Variants in PKHD1 observed in about 807,000 individuals in gnomAD.
PKHD1 encodes fibrocystin.
Under a neutral mutation model 412.0 loss-of-function variants are expected in PKHD1, and 291 were observed. That is an observed-to-expected ratio of 0.71 (90% CI 0.64 to 0.78). The LOEUF (loss-of-function observed/expected upper bound fraction) is 0.78, where lower values mean the gene tolerates loss of function less well. Among genes scored for constraint, PKHD1 ranks in the 30% least tolerant of loss-of-function variants. The pLI, the probability that PKHD1 is intolerant of heterozygous loss-of-function variation, is 0.00. For synonymous variants in PKHD1, 1,777 were observed against 1,821.5 expected, an observed-to-expected ratio of 0.98 and a Z score of 0.62; for missense variants, 4,825 against 4,950.7, an observed-to-expected ratio of 0.97 and a Z score of 0.76.
At chr6:51,865,003 T>G (rs1774821223) in intron 48 of PKHD1, among the ~76,000 whole-genome samples, 1 of 152,140 alleles carries the variant, frequency 6.6e-6, no homozygotes, top group Admixed American at 6.6e-5. Flanking sequence ...TTTATAATTA[T>G]GGGACCCTGG....
chr6:51,819,653 T>G (rs1460292225), intron 52 of PKHD1, among the ~76,000 whole-genome samples: 12 of 152,212 alleles, frequency 7.9e-5, no homozygotes, highest in Admixed American at 7.9e-4. Context: ...TTGCTCATCA[T>G]TTTATCTCCA....
intron 37 of PKHD1, among the ~76,000 whole-genome samples, chr6:51,915,558 C>T (rs753696376): frequency 2.0e-5 from 3 of 152,038 alleles, no homozygotes; most frequent in Non-Finnish European, 2.9e-5. Context: ...GAAACAAGCA[C>T]CCCAATGTCT....
chr6:51,649,795 T>C (rs1260721779), intron 61 of PKHD1, among the ~76,000 whole-genome samples: 1 of 152,194 alleles, frequency 6.6e-6, no homozygotes, highest in Non-Finnish European at 1.5e-5. Context: ...ACAAGCCATA[T>C]TTATATTTTC....
chr6:51,653,025 A>T (rs2580005), intron 61 of PKHD1, among the ~76,000 whole-genome samples: 140,544 of 152,138 alleles, frequency 0.92, 65,080 homozygotes, highest in East Asian at 1. Flanking sequence ...TTCTAAATTA[A>T]ATATATTATG....
chr6:52,026,649 T>C (rs1802240953), intron 31 of PKHD1, among the ~76,000 whole-genome samples: 1 of 152,234 alleles, frequency 6.6e-6, no homozygotes, highest in Non-Finnish European at 1.5e-5. Context: ...TATTGTTCTA[T>C]ATAATATTCC....
intron 35 of PKHD1, among the ~76,000 whole-genome samples, chr6:51,996,736 G>A (rs1797760194): frequency 6.6e-6 from 1 of 152,186 alleles, no homozygotes. Flanking sequence ...TCATGCAACA[G>A]CAAGGCCTTA....
rs753598019 is a variant in PKHD1 at position 51,619,139 on chromosome 6, G to T, written c.12167C>A (p.Ala4056Asp). Reference protein sequence around the residue: ...LSQEKKASCGATEAFCLHSVH... With the variant: ...LSQEKKASCGDTEAFCLHSVH... The stretch of plus-strand genomic sequence containing the variant: ...TGAATGAAGGCAGAATGCCTCAGTG[G>T]CCCCGCAGGAGGCTTTCTTCTCTTG... The change falls in exon 67 of 67, where the codon GCC becomes GAC. Residue 4056 changes from alanine to aspartate, a missense_variant. Transcript: ENST00000371117. The T allele has an allele frequency of 6.2e-6, 10 of 1,614,212 alleles. No homozygotes were observed. The South Asian group carries it at 1.1e-4, about 18-fold the overall frequency.
intron 50 of PKHD1, among the ~76,000 whole-genome samples, chr6:51,845,332 G>A (rs1770950127): frequency 6.6e-6 from 1 of 152,188 alleles, no homozygotes; most frequent in South Asian, 2.1e-4. Flanking sequence ...TTCCTGCTGA[G>A]TCCTCATACC....
chr6:51,917,283 A>G (rs1344088535), intron 37 of PKHD1, among the ~76,000 whole-genome samples: 1 of 152,122 alleles, frequency 6.6e-6, no homozygotes, highest in Admixed American at 6.6e-5. Context: ...CTTACAAAAA[A>G]AACTAGAAAT....
Position 52,033,081 on chromosome 6 carries a change from A to T in PKHD1, c.3313T>A (p.Ser1105Thr). The T allele has an allele frequency of 6.2e-7, 1 of 1,612,062 alleles. No homozygotes were observed. The highest frequency in any genetic ancestry group is 2.2e-5 in the East Asian group (1 of 44,864). ...AGAGTCACAATAACTGGATTTAAGGAAGAGACATATGTAAATGCTCTGGGA... is the reference window on the plus strand; with the variant it reads ...AGAGTCACAATAACTGGATTTAAGGTAGAGACATATGTAAATGCTCTGGGA... ...VLPRAFTYVSSLNPVIVTLSR... is the reference protein window; with the variant it reads ...VLPRAFTYVSTLNPVIVTLSR... The change falls in exon 29 of 67, where the codon TCC becomes ACC. Residue 1105 changes from serine (S) to threonine (T), a missense_variant. Transcript: ENST00000371117.
chr6:51,673,504 G>C (rs547293356), intron 60 of PKHD1, among the ~76,000 whole-genome samples: 1 of 152,260 alleles, frequency 6.6e-6, no homozygotes, highest in African/African-American at 2.4e-5. Flanking sequence ...AGCAATTGCC[G>C]GTTCTTTGCA....
intron 60 of PKHD1, among the ~76,000 whole-genome samples, chr6:51,678,047 A>G (rs1016322375): frequency 2.6e-5 from 4 of 152,164 alleles, no homozygotes; most frequent in Admixed American, 1.3e-4. Context: ...TGAAAACATC[A>G]AAGAATATGG....
chr6:51,681,125 G>A (rs1022270844), intron 60 of PKHD1, among the ~76,000 whole-genome samples: 2 of 151,900 alleles, frequency 1.3e-5, no homozygotes, highest in African/African-American at 2.4e-5. Context: ...GCTACATCTA[G>A]GAAACCTCTC....
At chr6:51,961,714 GGTAAA>G (rs1792070543) in intron 35 of PKHD1, among the ~76,000 whole-genome samples, 1 of 152,006 alleles carries the variant, frequency 6.6e-6, no homozygotes, top group Admixed American at 6.6e-5. Context: ...AAACAGAGAT[GGTAAA>G]GTAAACTGCA....
intron 52 of PKHD1, among the ~76,000 whole-genome samples, chr6:51,799,411 A>C (rs1348346807): frequency 6.6e-6 from 1 of 152,190 alleles, no homozygotes; most frequent in Non-Finnish European, 1.5e-5. Context: ...TCCCACCATC[A>C]GATGAAAACA....
intron 36 of PKHD1, among the ~76,000 whole-genome samples, chr6:51,947,441 A>G (rs1789636850): frequency 1.3e-5 from 2 of 152,230 alleles, no homozygotes; most frequent in Admixed American, 6.5e-5. Context: ...AAACTCTTCT[A>G]TTTAGAACCT....
intron 37 of PKHD1, among the ~76,000 whole-genome samples, chr6:51,921,324 G>A (rs1333607852): frequency 1.3e-5 from 2 of 152,088 alleles, no homozygotes; most frequent in African/African-American, 2.4e-5. Context: ...TTCCCTTTGT[G>A]GGTAACCAGA....
chr6:51,754,827 G>T lies in PKHD1; in HGVS notation c.8754C>A (p.Gly2918=). 1 of 1,613,406 alleles carries T rather than the reference G, an allele frequency of 6.2e-7. No homozygotes were observed. Among genetic ancestry groups the T allele is most frequent in the South Asian group, 1.1e-5 (1 of 91,068 alleles). ...AEVLTVKEVK[G]HHVRIYERLK... is the part of the protein sequence containing the mutation. ...GCCGTTCATAGATCCTCACATGGTG[G>T]CCCTTGACTTCTTTCACAGTGAGGA... is the stretch of plus-strand genomic sequence containing the variant. The change falls in exon 56 of 67, where the codon GGC becomes GGA. Residue 2918 remains glycine (G), a synonymous_variant. Coordinates refer to ENST00000371117, the MANE Select transcript of PKHD1 (RefSeq NM_138694.4).
intron 66 of PKHD1, among the ~76,000 whole-genome samples, chr6:51,620,432 T>C (rs894386483): frequency 7.2e-5 from 11 of 151,952 alleles, no homozygotes; most frequent in Non-Finnish European, 1.2e-4. Flanking sequence ...CATGCAAAGG[T>C]CACTATTCAT....
Sources: gnomAD v4.1 joint callset for allele counts (sites outside exome capture counted in the v4.1 genomes callset) on GRCh38, gnomAD v4.1.1 for gene constraint, MANE v1.5 for transcripts, NCBI Gene and HGNC (gene_info 2026-07-23, HGNC 2026-07-21) for gene names.